PCBP3: variants seen among roughly 807,000 people sequenced by gnomAD.
PCBP3 encodes poly(rC) binding protein 3, also known as poly(rC)-binding protein 3.
PCBP3 carries 25 observed loss-of-function variants against 52.7 expected under a neutral mutation model. That is an observed-to-expected ratio of 0.47 (90% CI 0.35 to 0.66). PCBP3 has a LOEUF of 0.66. Among genes scored for constraint, PCBP3 ranks in the 30% least tolerant of loss-of-function variants. The probability of loss-of-function intolerance (pLI) is 0.01; values close to 1 mark genes in which losing one functional copy is unlikely to be tolerated. For synonymous variants in PCBP3, 162 were observed against 183.0 expected (o/e 0.89, Z 0.93); for missense variants, 391 against 490.3 (o/e 0.80, Z 1.91).
chr21:45,939,107 G>A (rs745680870), intron 16 of PCBP3, among the ~76,000 whole-genome samples: 22 of 152,218 alleles, frequency 1.4e-4, no homozygotes, highest in East Asian at 1.9e-4. Flanking sequence ...CAGGGCCCTC[G>A]GGGACCCATG....
chr21:45,832,876 G>A (rs993231144), intron 4 of PCBP3, among the ~76,000 whole-genome samples: 31 of 152,154 alleles, frequency 2.0e-4, no homozygotes, highest in African/African-American at 6.0e-4. Flanking sequence ...TTCACAAGGC[G>A]GCAGGAGAGA....
At chr21:45,797,679 T>A in intron 4 of PCBP3, among the ~76,000 whole-genome samples, 1 of 149,996 alleles carries the variant, frequency 6.7e-6, no homozygotes, top group Non-Finnish European at 1.5e-5. Flanking sequence ...GGAGAGTGAA[T>A]GCATAGATGG....
intron 2 of PCBP3, among the ~76,000 whole-genome samples, chr21:45,680,754 G>T (rs1480186457): frequency 6.6e-6 from 1 of 152,160 alleles, no homozygotes; most frequent in Non-Finnish European, 1.5e-5. Context: ...ACCTTGTCCT[G>T]TTCCCGATGT....
chr21:45,895,043 G>T (rs1162851800), intron 5 of PCBP3, among the ~76,000 whole-genome samples: 1 of 152,226 alleles, frequency 6.6e-6, no homozygotes, highest in Admixed American at 6.5e-5. Flanking sequence ...GTAAGCGCGG[G>T]TGTAGACAGC....
chr21:45,917,191 T>C lies in PCBP3; in HGVS notation c.676-397T>C, dbSNP rs2073597890. On this transcript the variant is annotated intron_variant, in intron 12 of 17. Transcript: ENST00000681687. This position sits in a 1 kb window ranked among gnomAD's most constrained non-coding sequence, Gnocchi z 5.3. ...AGAGCTTTCTTTTGTTGTTTGGACT[T>C]CTTGGGGTAAATTATTTCCCAAAAG... 1 of 183,112 alleles carries C rather than the reference T, an allele frequency of 5.5e-6. No individual in the cohort carries two copies. Among genetic ancestry groups the C allele is most frequent in the Admixed American group, 5.7e-5 (1 of 17,428 alleles). The allele number at this position is 183,112 out of a possible 1,614,324, so 11.3% of individuals were successfully genotyped here.
At chr21:45,797,709 G>A (rs796334292) in intron 4 of PCBP3, among the ~76,000 whole-genome samples, 22 of 6,124 alleles carry the variant, frequency 3.6e-3, no homozygotes, top group Non-Finnish European at 6.3e-3. Flanking sequence ...TGGATCCACA[G>A]AGAGTGAATG....
At chr21:45,898,359 T>TCCCTCTCCACACC (rs879889685) in intron 6 of PCBP3, among the ~76,000 whole-genome samples, 1 of 38,754 alleles carries the variant, frequency 2.6e-5, no homozygotes, top group African/African-American at 1.4e-4. Context: ...ACCATCCTCA[T>TCCCTCTCCACACC]GGTCTCCCTC....
chr21:45,867,616 C>G (rs2094798362), intron 5 of PCBP3, among the ~76,000 whole-genome samples: 1 of 152,260 alleles, frequency 6.6e-6, no homozygotes, highest in Non-Finnish European at 1.5e-5. Context: ...GTGTTTGCGA[C>G]GTGATTGTTT....
rs2096456303 is a variant in PCBP3 at position 45,914,006 on chromosome 21, T to C, written c.656T>C (p.Val219Ala). ...CGCCCAAAGCCCGCCTCCACCCCTG[T>C]CATTTTTGCAGGTGGTCAGGTAAGA... The part of the protein sequence containing the change: ...PYRPKPASTP[V>A]IFAGGQAYTI... Residue 219 changes from valine to alanine, a missense_variant, in exon 12 of 18, where the codon GTC becomes GCC. Physicochemically the swap from Val to Ala is moderately conservative, Grantham distance 64. Transcript: ENST00000681687. The C allele has an allele frequency of 1.2e-6, 2 of 1,613,592 alleles. No homozygotes were observed. The highest frequency in any genetic ancestry group is 1.7e-6 in the Non-Finnish European group (2 of 1,179,884).
chr21:45,754,077 T>C (rs2146398125), intron 3 of PCBP3, among the ~76,000 whole-genome samples: 1 of 152,340 alleles, frequency 6.6e-6, no homozygotes, highest in African/African-American at 2.4e-5. Context: ...TAATTTTTAA[T>C]AGGTAAAATG....
intron 12 of PCBP3, chr21:45,914,402 T>G: frequency 2.2e-6 from 1 of 444,446 alleles, no homozygotes; most frequent in Non-Finnish European, 4.0e-6. Flanking sequence ...AGGGTCTTGT[T>G]TCCACTGACA....
intron 4 of PCBP3, chr21:45,848,304 G>A (rs948194483): frequency 6.6e-6 from 1 of 152,244 alleles, no homozygotes; most frequent in Non-Finnish European, 1.5e-5. Context: ...TGAAGTCAGA[G>A]TCATTTACTC....
intron 1 of PCBP3, among the ~76,000 whole-genome samples, chr21:45,653,437 G>A (rs1266485500): frequency 2.0e-5 from 3 of 151,744 alleles, no homozygotes; most frequent in Non-Finnish European, 4.4e-5. Flanking sequence ...AAAACTATTA[G>A]GTCTTCCTGA....
chr21:45,863,455 C>T (rs919922934), intron 5 of PCBP3, among the ~76,000 whole-genome samples: 5 of 152,222 alleles, frequency 3.3e-5, no homozygotes, highest in Admixed American at 6.5e-5. Context: ...ACAGGCTCGC[C>T]GGGCTGTTGA....
intron 9 of PCBP3, among the ~76,000 whole-genome samples, chr21:45,906,522 G>A (rs998247329): frequency 5.9e-5 from 9 of 152,152 alleles, no homozygotes; most frequent in Admixed American, 2.0e-4. Context: ...TCACAGGATT[G>A]TGGAGAATTT....
At chr21:45,676,647 G>T (rs576439826) in intron 2 of PCBP3, among the ~76,000 whole-genome samples, 1 of 152,186 alleles carries the variant, frequency 6.6e-6, no homozygotes, top group East Asian at 1.9e-4. Context: ...CCATCTGTCT[G>T]CTTCTCTTGG....
intron 13 of PCBP3, among the ~76,000 whole-genome samples, chr21:45,929,460 G>C (rs3788237): frequency 0.16 from 24,180 of 152,228 alleles, 3,272 homozygotes; most frequent in African/African-American, 0.37. Flanking sequence ...AGACCAGGGC[G>C]AGGTTTGCAA....
At chr21:45,701,482 A>T (rs1338603838) in intron 2 of PCBP3, among the ~76,000 whole-genome samples, 1 of 152,236 alleles carries the variant, frequency 6.6e-6, no homozygotes, top group Non-Finnish European at 1.5e-5. Context: ...CAGATATTTT[A>T]AAATTATTCA....
At chr21:45,932,482 AAC>A (rs2076362868) in intron 15 of PCBP3, among the ~76,000 whole-genome samples, 1 of 150,514 alleles carries the variant, frequency 6.6e-6, no homozygotes, top group Admixed American at 6.6e-5. Flanking sequence ...TCCTGAGATG[AAC>A]GAACACCTGG....
Sources: gnomAD v4.1 joint callset for allele counts (sites outside exome capture counted in the v4.1 genomes callset) on GRCh38, gnomAD v4.1.1 for gene constraint, Gnocchi (gnomAD v3.1) non-coding constraint, MANE v1.5 for transcripts, NCBI Gene and HGNC (gene_info 2026-07-23, HGNC 2026-07-21) for gene names.